CRACDL: variants seen among roughly 807,000 people sequenced by gnomAD.
CRACDL encodes CRACD like.
In CRACDL, 26 loss-of-function variants were observed where a neutral mutation model predicts 70.6. The observed-to-expected ratio is 0.37, with a 90% CI of 0.27 to 0.51. The LOEUF is 0.51. Among genes scored for constraint, CRACDL ranks in the 20% least tolerant of loss-of-function variants. The probability of loss-of-function intolerance (pLI) is 0.94; values close to 1 mark genes in which losing one functional copy is unlikely to be tolerated. For synonymous variants in CRACDL, 618 were observed against 615.2 expected (o/e 1.00, Z -0.07); for missense variants, 1,283 against 1,376.9 (o/e 0.93, Z 1.08).
At chr2:98,811,905 T>C (rs1704581624) in intron 7 of CRACDL, among the ~76,000 whole-genome samples, 1 of 151,700 alleles carries the variant, frequency 6.6e-6, no homozygotes, top group South Asian at 2.1e-4. Flanking sequence ...ATCATATGGA[T>C]GTACCACAGT....
rs933186163 is a variant in CRACDL, at chr2:98,879,635, C to T, written c.-10-32825G>A. 3.9e-5 allele frequency among the ~76,000 whole-genome samples: 6 copies of T among 152,136 alleles called. 1 individual carries two copies. The highest frequency in any genetic ancestry group is 8.8e-5 in the Non-Finnish European group (6 of 68,014). On this transcript the variant is annotated intron_variant, in intron 1 of 9. Transcript: ENST00000397899. ...GCAATCTCGGCTCACTGCAACCTTT[C>T]CCTCCTGGGTTCAAGCAATTCTCCT...
At chr2:98,828,091 A>C (rs970140041) in intron 5 of CRACDL, among the ~76,000 whole-genome samples, 44 of 152,216 alleles carry the variant, frequency 2.9e-4, no homozygotes, top group Non-Finnish European at 2.6e-4. Flanking sequence ...ACCTGGGACA[A>C]AGGGATGCTG....
At chr2:98,842,158 C>A (rs1333108787) in intron 2 of CRACDL, among the ~76,000 whole-genome samples, 1 of 152,002 alleles carries the variant, frequency 6.6e-6, no homozygotes, top group Non-Finnish European at 1.5e-5. Flanking sequence ...GGGTATTACA[C>A]CCTTTCACTT....
intron 1 of CRACDL, among the ~76,000 whole-genome samples, chr2:98,927,831 T>C (rs987011358): frequency 1.3e-5 from 2 of 152,184 alleles, no homozygotes; most frequent in African/African-American, 4.8e-5. Context: ...AAACGAAGAA[T>C]ATCTAATAAT....
chr2:98,858,446 T>C (rs1418184654), intron 1 of CRACDL, among the ~76,000 whole-genome samples: 1 of 135,192 alleles, frequency 7.4e-6, no homozygotes, highest in Non-Finnish European at 1.5e-5. Flanking sequence ...ACCTGGGAGG[T>C]GGAAGTTGCA....
chr2:98,877,984 T>C (rs1454504866), intron 1 of CRACDL, among the ~76,000 whole-genome samples: 1 of 151,732 alleles, frequency 6.6e-6, no homozygotes, highest in East Asian at 1.9e-4. Context: ...TTTCACTCTT[T>C]TGCCCAGGCT....
intron 8 of CRACDL, 71 bp downstream of exon 8, chr2:98,797,279 G>T: frequency 1.4e-6 from 2 of 1,448,792 alleles, no homozygotes; most frequent in Non-Finnish European, 1.9e-6. Flanking sequence ...GGTCCTTACA[G>T]GGTCCTCGCC....
rs962470437 is a variant in CRACDL, at chr2:98,822,385, G to C, written c.1888C>G (p.Arg630Gly). Residue 630 changes from arginine to glycine, a missense_variant, in exon 7 of 10, where the codon CGG (arginine) becomes GGG (glycine). Transcript: ENST00000397899. This position sits in a 1 kb window ranked among gnomAD's most constrained non-coding sequence, Gnocchi z 4.9. ...TGAGGGCCGCGCTCCGCCAGCTTCCGAGGGCCAGGTTTCGCGTGCTGGGGC... is the reference window on the plus strand; with the variant it reads ...TGAGGGCCGCGCTCCGCCAGCTTCCCAGGGCCAGGTTTCGCGTGCTGGGGC... ...PEPQHAKPGPRKLAERGPQDS... is the reference protein window; with the variant it reads ...PEPQHAKPGPGKLAERGPQDS... 6.8e-7 allele frequency: 1 copy of C among 1,477,276 alleles called. No homozygotes were observed. The allele number at this position is 1,477,276 out of a possible 1,614,324, so 91.5% of individuals were successfully genotyped here. A position where few individuals can be genotyped will look rare whatever the true frequency, so the allele number is the denominator to read the frequency against.
intron 1 of CRACDL, among the ~76,000 whole-genome samples, chr2:98,916,147 A>G (rs1180665299): frequency 1.3e-5 from 2 of 152,266 alleles, no homozygotes; most frequent in Non-Finnish European, 2.9e-5. Context: ...TACTATGCCC[A>G]CACAATGTAA....
In CRACDL at chr2:98,926,322, C is replaced by T. The variant is rs1017879947; in HGVS notation, c.-11+9616G>A. On this transcript the variant is annotated intron_variant, in intron 1 of 9. Coordinates refer to ENST00000397899, the MANE Select transcript of CRACDL (RefSeq NM_207362.3). ...GGCTAGAAGCATAAGCCACTGTACCCTCCCAGGATTAGAATGGGGAAGGCT... is the reference window on the plus strand; with the variant it reads ...GGCTAGAAGCATAAGCCACTGTACCTTCCCAGGATTAGAATGGGGAAGGCT... 4.6e-5 allele frequency among the ~76,000 whole-genome samples: 7 copies of T among 151,850 alleles called. No homozygotes were observed. The South Asian group carries it at 6.2e-4, about 13-fold the overall frequency.
At chr2:98,879,403 T>C (rs1303167827) in intron 1 of CRACDL, among the ~76,000 whole-genome samples, 1 of 152,248 alleles carries the variant, frequency 6.6e-6, no homozygotes, top group East Asian at 1.9e-4. Context: ...GATGTGGGGT[T>C]GGCCTGGTTC....
chr2:98,931,626 A>G (rs550754301), intron 1 of CRACDL, among the ~76,000 whole-genome samples: 45 of 152,204 alleles, frequency 3.0e-4, no homozygotes, highest in Non-Finnish European at 6.5e-4. Flanking sequence ...CACACACCAC[A>G]GCCAGGAGAA....
chr2:98,816,604 A>G (rs1704792855), intron 7 of CRACDL, among the ~76,000 whole-genome samples: 1 of 152,180 alleles, frequency 6.6e-6, no homozygotes. Context: ...GGGAAGCAAG[A>G]ACTCCAGGAA....
rs373718480 is a variant in CRACDL, at chr2:98,881,746, C to T, written c.-10-34936G>A. On this transcript the variant is annotated intron_variant, in intron 1 of 9. Coordinates refer to ENST00000397899, the MANE Select transcript of CRACDL (RefSeq NM_207362.3). ...CCAGGCGATGGAAGCCACTCATGGC[C>T]AACGAGTGTTTTCCGGGTCTGTGAC... Among the ~76,000 whole-genome samples the T allele has an allele frequency of 5.9e-5, 9 of 152,330 alleles. No individual in the cohort carries two copies. In the East Asian group the frequency reaches 1.5e-3, roughly 26 times the overall value.
intron 7 of CRACDL, among the ~76,000 whole-genome samples, chr2:98,803,429 C>T (rs543878285): frequency 6.6e-6 from 1 of 152,296 alleles, no homozygotes; most frequent in East Asian, 1.9e-4. Context: ...GGAGCCACTG[C>T]ACCCGGCCTG....
At chr2:98,917,738 C>T (rs1034762921) in intron 1 of CRACDL, among the ~76,000 whole-genome samples, 1 of 152,178 alleles carries the variant, frequency 6.6e-6, no homozygotes, top group African/African-American at 2.4e-5. Flanking sequence ...GTGTAACCAT[C>T]ACCCAAACAT....
chr2:98,860,410 T>G (rs1706892281), intron 1 of CRACDL, among the ~76,000 whole-genome samples: 1 of 152,200 alleles, frequency 6.6e-6, no homozygotes, highest in African/African-American at 2.4e-5. Flanking sequence ...AAAGCTACAG[T>G]AATCAGGACT....
At chr2:98,858,512 C>CAAA (rs370742460) in intron 1 of CRACDL, among the ~76,000 whole-genome samples, 242 of 54,566 alleles carry the variant, frequency 4.4e-3, no homozygotes, top group African/African-American at 0.011. Context: ...GAGACTCTGT[C>CAAA]AAAAAAAAAA....
intron 1 of CRACDL, among the ~76,000 whole-genome samples, chr2:98,853,664 G>A (rs1028320382): frequency 1.1e-4 from 16 of 152,108 alleles, no homozygotes; most frequent in African/African-American, 3.9e-4. Context: ...TTATTTAAAT[G>A]CATATAACAA....
Sources: gnomAD v4.1 joint callset for allele counts (sites outside exome capture counted in the v4.1 genomes callset) on GRCh38, gnomAD v4.1.1 for gene constraint, Gnocchi (gnomAD v3.1) non-coding constraint, MANE v1.5 for transcripts, NCBI Gene and HGNC (gene_info 2026-07-23, HGNC 2026-07-21) for gene names.